QKI: variants seen among roughly 807,000 people sequenced by gnomAD.
QKI encodes the protein QKI, KH domain containing RNA binding.
QKI carries 10 observed loss-of-function variants against 39.0 expected under a neutral mutation model. The ratio of observed to expected loss-of-function variants is 0.26; its 90% CI spans 0.16 to 0.43. QKI has a LOEUF of 0.43. Ranked by LOEUF, QKI falls within the 20% of genes least tolerant of loss-of-function variation. The pLI is 1.00. For missense variants in QKI, 218 were observed against 428.0 expected (o/e 0.51, Z 4.33); for synonymous variants, 204 against 155.4 (o/e 1.31, Z -2.33).
At chr6:163,540,433 A>G (rs10484572) in intron 4 of QKI, among the ~76,000 whole-genome samples, 3,416 of 152,314 alleles carry the variant, frequency 0.022, 124 homozygotes, top group African/African-American at 0.077. Flanking sequence ...ATCAGTTTGC[A>G]TAACTTTACA....
intron 3 of QKI, among the ~76,000 whole-genome samples, chr6:163,492,634 C>A (rs1778129444): frequency 6.6e-6 from 1 of 151,994 alleles, no homozygotes; most frequent in Admixed American, 6.6e-5. Flanking sequence ...GAGGACTAGT[C>A]ACTTCAAATA....
chr6:163,462,107 ATATT>A (rs775228295), intron 2 of QKI, among the ~76,000 whole-genome samples: 3 of 152,084 alleles, frequency 2.0e-5, no homozygotes, highest in Non-Finnish European at 2.9e-5. Flanking sequence ...AAATACATAT[ATATT>A]TAAGTAATTT....
chr6:163,452,477 T>G (rs1790643874), intron 1 of QKI, among the ~76,000 whole-genome samples: 1 of 152,184 alleles, frequency 6.6e-6, no homozygotes, highest in South Asian at 2.1e-4. Context: ...TTGTTTAACT[T>G]TAATGCTCCA....
At chr6:163,535,189 T>G in intron 4 of QKI, 64 bp downstream of exon 4, 1 of 1,455,802 alleles carries the variant, frequency 6.9e-7, no homozygotes. Context: ...TATTTTAAAT[T>G]ATCGTAATGT....
chr6:163,544,563 T>C (rs900254513), intron 4 of QKI, among the ~76,000 whole-genome samples: 5 of 152,074 alleles, frequency 3.3e-5, no homozygotes, highest in Non-Finnish European at 5.9e-5. Context: ...CCTCAAGATA[T>C]CAGTAATAGT....
chr6:163,577,750 T>C lies in QKI; in HGVS notation c.*7040T>C, dbSNP rs1777661206. 2 of 152,246 alleles carry C rather than the reference T, an allele frequency of 1.3e-5. No individual in the cohort carries two copies. Among genetic ancestry groups the C allele is most frequent in the Non-Finnish European group, 2.9e-5 (2 of 68,038 alleles). The allele number at this position is 152,246 out of a possible 1,614,324, so 9.4% of individuals were successfully genotyped here. ...AACCAGCTTCTCAAAAGGGGTGACA[T>C]AAAATCAGTTTTGATGTTTTTCCTC... On this transcript the variant is annotated 3_prime_UTR_variant, in exon 8 of 8. Transcript: ENST00000361752.
chr6:163,516,572 C>T lies in QKI; in HGVS notation c.403-18410C>T, dbSNP rs934969767. Among the ~76,000 whole-genome samples, 6 of 152,152 alleles carry T rather than the reference C, an allele frequency of 3.9e-5. No individual in the cohort carries two copies. The East Asian group carries it at 9.6e-4, about 24-fold the overall frequency. The stretch of plus-strand genomic sequence containing the variant: ...CCTCCGAAAGTGCTGGGATTACAGG[C>T]GTGAGCCATTGCGCCCAGCCTAAAA... On this transcript the variant is annotated intron_variant, in intron 3 of 7. Coordinates refer to ENST00000361752, the MANE Select transcript of QKI (RefSeq NM_006775.3).
intron 1 of QKI, among the ~76,000 whole-genome samples, chr6:163,441,322 T>G (rs1230299972): frequency 1.3e-5 from 2 of 152,146 alleles, no homozygotes; most frequent in Admixed American, 1.3e-4. Context: ...TATATTACTT[T>G]AAAGGGAAGA....
chr6:163,442,471 A>G (rs1789832548), intron 1 of QKI, among the ~76,000 whole-genome samples: 1 of 152,192 alleles, frequency 6.6e-6, no homozygotes, highest in Non-Finnish European at 1.5e-5. Flanking sequence ...TCAGCAGGCT[A>G]ACTCCAAAGA....
At chr6:163,457,446 G>T in intron 2 of QKI, 1 of 455,940 alleles carries the variant, frequency 2.2e-6, no homozygotes, top group South Asian at 1.5e-5. Context: ...CATTTGTCTT[G>T]ATCGGTGATT....
chr6:163,550,948 C>CAA (rs398003272), intron 4 of QKI, among the ~76,000 whole-genome samples: 3,032 of 136,308 alleles, frequency 0.022, 69 homozygotes, highest in African/African-American at 0.042. Context: ...CTCTGTCTCA[C>CAA]AAAAAAAAAA....
intron 1 of QKI, among the ~76,000 whole-genome samples, chr6:163,440,617 CAAT>C (rs1789695706): frequency 6.6e-6 from 1 of 152,184 alleles, no homozygotes; most frequent in South Asian, 2.1e-4. Context: ...TGTAGAAACT[CAAT>C]AAAAGGTAAA....
intron 1 of QKI, among the ~76,000 whole-genome samples, chr6:163,420,190 C>CT (rs35712540): frequency 0.018 from 1,725 of 97,998 alleles, 32 homozygotes; most frequent in African/African-American, 0.055. Context: ...TTTTTCTTTC[C>CT]TTTTTTTTTT....
intron 1 of QKI, among the ~76,000 whole-genome samples, chr6:163,437,733 T>C (rs1179967397): frequency 6.6e-6 from 1 of 152,204 alleles, no homozygotes; most frequent in Non-Finnish European, 1.5e-5. Context: ...GTTATAGTTA[T>C]GCAAATTTAC....
intron 3 of QKI, among the ~76,000 whole-genome samples, chr6:163,505,841 A>C (rs2128233387): frequency 6.6e-6 from 1 of 152,222 alleles, no homozygotes; most frequent in South Asian, 2.1e-4. Flanking sequence ...GAAATGTGAA[A>C]AGGACATGAA....
At chr6:163,524,499 G>T (rs935670573) in intron 3 of QKI, among the ~76,000 whole-genome samples, 40 of 151,170 alleles carry the variant, frequency 2.6e-4, no homozygotes, top group African/African-American at 9.7e-4. Context: ...GTTTCGTTTC[G>T]CTCTTGTTGC....
At chr6:163,503,416 C>A (rs1297724330) in intron 3 of QKI, among the ~76,000 whole-genome samples, 1 of 151,862 alleles carries the variant, frequency 6.6e-6, no homozygotes, top group Non-Finnish European at 1.5e-5. Flanking sequence ...TTAATGGAGT[C>A]GTTTTTTTGC....
intron 1 of QKI, among the ~76,000 whole-genome samples, chr6:163,429,510 A>T (rs1427938510): frequency 6.6e-6 from 1 of 152,126 alleles, no homozygotes; most frequent in African/African-American, 2.4e-5. Context: ...TACTTAACTA[A>T]TCTGTTGGAC....
At chr6:163,503,993 T>A (rs1215909869) in intron 3 of QKI, among the ~76,000 whole-genome samples, 1 of 152,118 alleles carries the variant, frequency 6.6e-6, no homozygotes, top group Non-Finnish European at 1.5e-5. Context: ...TCTGCCTGCC[T>A]CTGCCTCCCA....
Sources: gnomAD v4.1 joint callset for allele counts (sites outside exome capture counted in the v4.1 genomes callset) on GRCh38, gnomAD v4.1.1 for gene constraint, MANE v1.5 for transcripts, NCBI Gene and HGNC (gene_info 2026-07-23, HGNC 2026-07-21) for gene names.